The following MATCAP2 variants were observed in gnomAD, a reference collection of about 807,000 sequenced individuals.
The protein encoded by MATCAP2 is microtubule associated tyrosine carboxypeptidase 2.
the MATCAP2 span, among the ~76,000 whole-genome samples, chr7:36,351,222 CCT>C: frequency 1.5e-5 from 2 of 135,494 alleles, no homozygotes; most frequent in African/African-American, 5.1e-5. Flanking sequence ...ATGGTGAAAC[CCT>C]GTCTTTACTA....
At chr7:36,327,119 G>A in the MATCAP2 span, among the ~76,000 whole-genome samples, 1 of 152,144 alleles carries the variant, frequency 6.6e-6, no homozygotes, top group South Asian at 2.1e-4. Context: ...CTTATACCAT[G>A]ACCATATTAA....
At chr7:36,357,055 T>C in the MATCAP2 span, 21,084 of 1,614,150 alleles carry the variant, frequency 0.013, 173 homozygotes, top group Non-Finnish European at 0.016. Context: ...TAGCAGTCAA[T>C]ATACAAAATT....
chr7:36,380,915 G>A, the MATCAP2 span, among the ~76,000 whole-genome samples: 4 of 152,150 alleles, frequency 2.6e-5, no homozygotes, highest in African/African-American at 7.2e-5. Flanking sequence ...ATTTTTAGTA[G>A]AGATGGGGTT....
the MATCAP2 span, chr7:36,330,846 G>T: frequency 1.9e-6 from 1 of 538,748 alleles, no homozygotes; most frequent in Non-Finnish European, 3.4e-6. Context: ...CTTCCCTCTT[G>T]ATACGACATA....
the MATCAP2 span, among the ~76,000 whole-genome samples, chr7:36,354,747 T>A: frequency 6.6e-6 from 1 of 152,248 alleles, no homozygotes; most frequent in African/African-American, 2.4e-5. Context: ...TTATTGAGAA[T>A]ATTCTCCCAA....
the MATCAP2 span, chr7:36,368,067 AAAAAG>A: frequency 6.6e-6 from 1 of 152,248 alleles, no homozygotes; most frequent in Non-Finnish European, 1.5e-5. Flanking sequence ...AAAAAAAAAA[AAAAAG>A]TACGGTGGGA....
the MATCAP2 span, among the ~76,000 whole-genome samples, chr7:36,353,698 C>G: frequency 5.9e-5 from 9 of 152,214 alleles, no homozygotes; most frequent in East Asian, 1.7e-3. Flanking sequence ...TCAGGCTAGT[C>G]TCGAACTTCT....
chr7:36,329,114 T>C, the MATCAP2 span, among the ~76,000 whole-genome samples: 1 of 151,942 alleles, frequency 6.6e-6, no homozygotes, highest in African/African-American at 2.4e-5. Context: ...TGAAGGTTTT[T>C]AAAGTTTTAC....
the MATCAP2 span, chr7:36,366,718 G>T: frequency 6.5e-7 from 1 of 1,535,200 alleles, no homozygotes; most frequent in African/African-American, 1.4e-5. Flanking sequence ...AATAAGTGAC[G>T]AAAGGATAAG....
the MATCAP2 span, among the ~76,000 whole-genome samples, chr7:36,350,383 C>T: frequency 1.3e-5 from 2 of 152,140 alleles, no homozygotes; most frequent in African/African-American, 4.8e-5. Context: ...CAGAGGATCA[C>T]ATTTAAGTCT....
chr7:36,365,013 A>G, the MATCAP2 span, among the ~76,000 whole-genome samples: 3 of 152,174 alleles, frequency 2.0e-5, no homozygotes, highest in African/African-American at 7.2e-5. Context: ...TACTGCCACT[A>G]AATTATAGGA....
chr7:36,357,942 T>C, the MATCAP2 span, among the ~76,000 whole-genome samples: 1 of 152,174 alleles, frequency 6.6e-6, no homozygotes, highest in Admixed American at 6.5e-5. Flanking sequence ...CTCACACCTG[T>C]AATCCCAGCA....
chr7:36,365,340 G>A, the MATCAP2 span, among the ~76,000 whole-genome samples: 8 of 152,096 alleles, frequency 5.3e-5, no homozygotes, highest in Non-Finnish European at 8.8e-5. Flanking sequence ...GTGATTTTTA[G>A]TTGTCACAAT....
At chr7:36,346,225 G>A in the MATCAP2 span, among the ~76,000 whole-genome samples, 5 of 152,142 alleles carry the variant, frequency 3.3e-5, no homozygotes, top group African/African-American at 1.2e-4. Context: ...AAACAGTCTG[G>A]CAGTTCCTTA....
At chr7:36,343,640 GA>G in the MATCAP2 span, among the ~76,000 whole-genome samples, 7 of 16,462 alleles carry the variant, frequency 4.3e-4, no homozygotes, top group East Asian at 3.4e-3. Flanking sequence ...AAAAGAAAAA[GA>G]AAAAGAAAAG....
At chr7:36,349,382 C>A in the MATCAP2 span, among the ~76,000 whole-genome samples, 3 of 151,978 alleles carry the variant, frequency 2.0e-5, no homozygotes, top group African/African-American at 7.3e-5. Flanking sequence ...AGAAACAAAC[C>A]AAAATATTTC....
At chr7:36,336,130 C>T in the MATCAP2 span, 1 of 1,484,908 alleles carries the variant, frequency 6.7e-7, no homozygotes, top group South Asian at 1.3e-5. Flanking sequence ...ACAGTAATTC[C>T]TTGTGTTCAC....
chr7:36,389,803 C>T, the MATCAP2 span: 2 of 837,322 alleles, frequency 2.4e-6, no homozygotes, highest in Admixed American at 2.5e-5. Flanking sequence ...CCCGGCTCCG[C>T]CCAGCGCGCA....
At chr7:36,367,597 AAG>A in the MATCAP2 span, among the ~76,000 whole-genome samples, 2 of 152,190 alleles carry the variant, frequency 1.3e-5, no homozygotes, top group African/African-American at 4.8e-5. Context: ...ATGAGCTAGT[AAG>A]AGTGGAAAGT....
Sources: allele counts gnomAD v4.1 joint callset (sites outside exome capture counted in the v4.1 genomes callset), GRCh38; gene constraint gnomAD v4.1.1; transcripts MANE v1.5; gene names NCBI Gene and HGNC (gene_info 2026-07-23, HGNC 2026-07-21).